Variants in CNTNAP2 observed in about 807,000 individuals in gnomAD.
CNTNAP2 encodes the protein contactin-associated protein-like 2.
In CNTNAP2, 98 loss-of-function variants were observed where a neutral mutation model predicts 155.2. The observed-to-expected ratio is 0.63, with a 90% CI of 0.54 to 0.75. CNTNAP2 has a LOEUF of 0.75. CNTNAP2 is among the 30% of genes least tolerant of loss of function. The pLI is 0.00. For missense variants in CNTNAP2, 1,727 were observed against 1,688.1 expected (o/e 1.02, Z -0.40); for synonymous variants, 651 against 631.2 (o/e 1.03, Z -0.47).
At chr7:147,423,130 T>G (rs1199594490) in intron 10 of CNTNAP2, among the ~76,000 whole-genome samples, 1 of 152,120 alleles carries the variant, frequency 6.6e-6, no homozygotes, top group East Asian at 1.9e-4. Flanking sequence ...GGTGGAGATA[T>G]AAGGACTTCT....
intron 12 of CNTNAP2, among the ~76,000 whole-genome samples, chr7:147,630,831 T>C (rs1040389968): frequency 6.6e-6 from 1 of 152,030 alleles, no homozygotes; most frequent in African/African-American, 2.4e-5. Context: ...CTCAATGTAA[T>C]AAAAACCATC....
rs1284005395 is a variant in CNTNAP2 at position 146,990,761 on chromosome 7, T to C, written c.403-53146T>C. Among the ~76,000 whole-genome samples, 8 of 152,102 alleles carry C rather than the reference T, an allele frequency of 5.3e-5. No individual in the cohort carries two copies. The South Asian group carries it at 8.3e-4, about 16-fold the overall frequency. ...ACATGTTTTGTGGTCTGTGTGTATG[T>C]TGCTGGGGATAATTTAATTTTAAGA... On this transcript the variant is annotated intron_variant, in intron 3 of 23. Transcript: ENST00000361727.
chr7:147,750,716 C>A (rs1797119660), intron 13 of CNTNAP2, among the ~76,000 whole-genome samples: 2 of 152,158 alleles, frequency 1.3e-5, no homozygotes. Context: ...AAGGAACCAG[C>A]AATGAGCTTA....
chr7:147,685,437 A>T (rs894397749), intron 13 of CNTNAP2, among the ~76,000 whole-genome samples: 1 of 152,036 alleles, frequency 6.6e-6, no homozygotes, highest in Non-Finnish European at 1.5e-5. Context: ...TTTAGAAGTT[A>T]TTCTTCTGTT....
intron 8 of CNTNAP2, among the ~76,000 whole-genome samples, chr7:147,236,420 TG>T (rs1311696132): frequency 7.5e-5 from 11 of 147,580 alleles, no homozygotes; most frequent in Non-Finnish European, 1.4e-4. Flanking sequence ...ATTTTAAGCT[TG>T]TTTTTTTTTT....
In CNTNAP2 at chr7:146,792,134, C is replaced by T. The variant is rs1433411888; in HGVS notation, c.208+17753C>T. 2.6e-5 allele frequency among the ~76,000 whole-genome samples: 4 copies of T among 152,088 alleles called. No individual in the cohort carries two copies. In the South Asian group the frequency reaches 6.2e-4, roughly 24 times the overall value. On this transcript the variant is annotated intron_variant, in intron 2 of 23. Coordinates refer to ENST00000361727, the MANE Select transcript of CNTNAP2 (RefSeq NM_014141.6). Reference sequence around the variant, plus strand: ...ATGGTACAGTGATTCATATTTCAGGCACCTCAATTAGACATTCATTATTCA... The same window carrying T: ...ATGGTACAGTGATTCATATTTCAGGTACCTCAATTAGACATTCATTATTCA...
intron 1 of CNTNAP2, among the ~76,000 whole-genome samples, chr7:146,351,192 A>T (rs1289593958): frequency 2.0e-5 from 3 of 151,886 alleles, no homozygotes; most frequent in South Asian, 2.1e-4. Context: ...TAATAAAATT[A>T]AAAAAAATTT....
At position 148,172,322 on chromosome 7, in the gene CNTNAP2, A is replaced by G; in HGVS notation, c.2854A>G (p.Arg952Gly). ...MNGVTLDLEE[R>G]AKVTSGFISG... ...TGGGGTGACACTTGACCTGGAGGAA[A>G]GAGCAAAGGTCACATCTGGGTTCAT... is the stretch of plus-strand genomic sequence containing the variant. Residue 952 changes from arginine to glycine, a missense_variant, in exon 18 of 24, where the codon AGA (arginine) becomes GGA (glycine). Transcript: ENST00000361727. The G allele has an allele frequency of 6.2e-7, 1 of 1,614,200 alleles. No individual in the cohort carries two copies. The highest frequency in any genetic ancestry group is 8.5e-7 in the Non-Finnish European group (1 of 1,180,038).
chr7:148,149,984 C>T (rs1292540072), intron 17 of CNTNAP2, among the ~76,000 whole-genome samples: 1 of 151,824 alleles, frequency 6.6e-6, no homozygotes, highest in East Asian at 1.9e-4. Context: ...GTTTCTAATT[C>T]CTGTCACCTT....
intron 12 of CNTNAP2, among the ~76,000 whole-genome samples, chr7:147,586,544 A>AGGAAGGAAGGAAGGAAGGAAGGAAGGAG (rs1800627530): frequency 3.6e-5 from 1 of 27,586 alleles, no homozygotes; most frequent in African/African-American, 1.0e-4. Flanking sequence ...GAAGGAAGGA[A>AGGAAGGAAGGAAGGAAGGAAGGAAGGAG]GGGAGGGAGG....
At chr7:147,675,665 C>T (rs1241330056) in intron 13 of CNTNAP2, among the ~76,000 whole-genome samples, 1 of 151,956 alleles carries the variant, frequency 6.6e-6, no homozygotes, top group Non-Finnish European at 1.5e-5. Flanking sequence ...ACAGACACAC[C>T]CAGAAATGAT....
At chr7:146,648,425 A>G (rs1420300309) in intron 1 of CNTNAP2, among the ~76,000 whole-genome samples, 3 of 152,140 alleles carry the variant, frequency 2.0e-5, no homozygotes, top group African/African-American at 4.8e-5. Flanking sequence ...TTTTAATTAG[A>G]AAAACTTTTT....
At chr7:147,462,287 A>G (rs143797941) in intron 10 of CNTNAP2, among the ~76,000 whole-genome samples, 3 of 152,308 alleles carry the variant, frequency 2.0e-5, no homozygotes, top group East Asian at 1.9e-4. Context: ...GAATTTGCCA[A>G]ATTTGCTTAG....
chr7:148,335,371 C>T (rs1460231635), intron 21 of CNTNAP2, among the ~76,000 whole-genome samples: 1 of 152,148 alleles, frequency 6.6e-6, no homozygotes, highest in African/African-American at 2.4e-5. Context: ...GGGGTTTTCT[C>T]ATGATGGGAG....
intron 1 of CNTNAP2, among the ~76,000 whole-genome samples, chr7:146,564,245 T>A (rs1798323590): frequency 6.6e-6 from 1 of 152,116 alleles, no homozygotes; most frequent in Non-Finnish European, 1.5e-5. Context: ...TCTTGATATT[T>A]TAGAGAGGCA....
At chr7:148,187,229 G>C (rs1418405990) in intron 18 of CNTNAP2, among the ~76,000 whole-genome samples, 1 of 151,862 alleles carries the variant, frequency 6.6e-6, no homozygotes, top group African/African-American at 2.4e-5. Context: ...TGTTTCTTAG[G>C]GTGCCACCCA....
intron 2 of CNTNAP2, among the ~76,000 whole-genome samples, chr7:146,785,110 A>G (rs1802553499): frequency 6.6e-6 from 1 of 151,592 alleles, no homozygotes; most frequent in Non-Finnish European, 1.5e-5. Context: ...AGCTAAGACT[A>G]TAGACTCGCA....
intron 1 of CNTNAP2, among the ~76,000 whole-genome samples, chr7:146,534,427 A>G (rs1482234780): frequency 6.6e-6 from 1 of 152,078 alleles, no homozygotes; most frequent in Non-Finnish European, 1.5e-5. Context: ...AGTGCCTTTT[A>G]TTTTTGACAG....
Position 147,899,907 on chromosome 7 carries a change from A to G in CNTNAP2, c.2099-3658A>G, listed in dbSNP as rs535231283. 1.2e-3 allele frequency among the ~76,000 whole-genome samples: 170 copies of G among 139,030 alleles called. 1 individual carries two copies. Among genetic ancestry groups the G allele is most frequent in the Non-Finnish European group, 2.3e-3 (141 of 62,626 alleles). 91.2% of individuals were successfully genotyped at this position (139,030 alleles called of 152,430 possible). A position where few individuals can be genotyped will look rare whatever the true frequency, so the allele number is the denominator to read the frequency against. Reference sequence around the variant, plus strand: ...GACTCCATCTCAAAAAAAAAAAAAGAAAGAAAGAAAGAAAGAGTCATCCAT... The same window carrying G: ...GACTCCATCTCAAAAAAAAAAAAAGGAAGAAAGAAAGAAAGAGTCATCCAT... On this transcript the variant is annotated intron_variant, in intron 13 of 23. Coordinates refer to ENST00000361727, the MANE Select transcript of CNTNAP2 (RefSeq NM_014141.6).
Sources: allele counts gnomAD v4.1 joint callset (sites outside exome capture counted in the v4.1 genomes callset), GRCh38; gene constraint gnomAD v4.1.1; transcripts MANE v1.5; gene names NCBI Gene and HGNC (gene_info 2026-07-23, HGNC 2026-07-21).